The following GRIA1 variants were observed in gnomAD, a reference collection of about 807,000 sequenced individuals.
The protein encoded by GRIA1 is glutamate receptor 1.
GRIA1 carries 31 observed loss-of-function variants against 99.2 expected under a neutral mutation model. The ratio of observed to expected loss-of-function variants is 0.31; its 90% CI spans 0.23 to 0.42. GRIA1 has a LOEUF of 0.42. GRIA1 is among the 10% of genes least tolerant of loss of function. The pLI is 1.00. For synonymous variants in GRIA1, 438 were observed against 432.4 expected (o/e 1.01, Z -0.16); for missense variants, 782 against 1,157.5 (o/e 0.68, Z 4.71).
At chr5:153,794,514 C>A in intron 13 of GRIA1, 107 bp from the exon 14 acceptor site, 1 of 767,944 alleles carries the variant, frequency 1.3e-6, no homozygotes, top group Non-Finnish European at 2.3e-6. Flanking sequence ...CAAAGGGCAA[C>A]CTGGCAGGCT....
intron 2 of GRIA1, among the ~76,000 whole-genome samples, chr5:153,510,072 A>G (rs183819213): frequency 1.3e-5 from 2 of 152,270 alleles, no homozygotes; most frequent in Admixed American, 1.3e-4. Context: ...TCCTTTTACC[A>G]TCTGCCAAGA....
rs1554116390 is a variant in GRIA1, at chr5:153,705,693, T to TTTTTTTC, written c.1453-4_1453-3insTTTTTTC. On this transcript the variant is annotated splice_polypyrimidine_tract_variant and splice_region_variant and intron_variant, in intron 10 of 15. Transcript: ENST00000285900. The stretch of plus-strand genomic sequence containing the variant: ...TTTTTTTTTTTTTTTTTTTTTTTTT[T>TTTTTTTC]CAGAGAGCAGATGTGGCTGTGGCTC... 4.5e-6 allele frequency: 5 copies of TTTTTTTC among 1,101,386 alleles called. 1 individual carries two copies. The Admixed American group carries it at 1.1e-4, about 24-fold the overall frequency. The allele number at this position is 1,101,386 out of a possible 1,614,324, so 68.2% of individuals were successfully genotyped here. A position where few individuals can be genotyped will look rare whatever the true frequency, so the allele number is the denominator to read the frequency against.
intron 11 of GRIA1, among the ~76,000 whole-genome samples, chr5:153,724,111 C>G (rs149680742): frequency 0.07 from 10,622 of 152,254 alleles, 416 homozygotes; most frequent in African/African-American, 0.081. Context: ...TCTGCAGCCA[C>G]CGCTGCTGTT....
chr5:153,690,199 T>C (rs771339567), intron 8 of GRIA1, among the ~76,000 whole-genome samples: 1 of 151,758 alleles, frequency 6.6e-6, no homozygotes, highest in Non-Finnish European at 1.5e-5. Flanking sequence ...GCGTAAAGAG[T>C]TTGATAAGAA....
At chr5:153,662,794 A>G (rs939759125) in intron 5 of GRIA1, among the ~76,000 whole-genome samples, 4 of 152,140 alleles carry the variant, frequency 2.6e-5, no homozygotes, top group African/African-American at 7.2e-5. Context: ...ATGTGCCCAT[A>G]TGCCTCTGTG....
intron 2 of GRIA1, among the ~76,000 whole-genome samples, chr5:153,631,918 C>T (rs761361905): frequency 6.6e-6 from 1 of 151,974 alleles, no homozygotes; most frequent in Non-Finnish European, 1.5e-5. Context: ...GTGAGAACCG[C>T]ATCGGGGGAG....
intron 2 of GRIA1, among the ~76,000 whole-genome samples, chr5:153,566,951 G>A (rs549671231): frequency 1.9e-3 from 281 of 150,954 alleles, no homozygotes; most frequent in South Asian, 7.8e-3. Context: ...TCCTGACCTC[G>A]GGTGATCCAC....
chr5:153,641,812 C>T (rs1325764991), intron 2 of GRIA1, among the ~76,000 whole-genome samples: 1 of 152,174 alleles, frequency 6.6e-6, no homozygotes, highest in Non-Finnish European at 1.5e-5. Context: ...GTTAGGTGTC[C>T]CTGCCTGCTG....
At chr5:153,657,363 A>T (rs773409770) in intron 5 of GRIA1, among the ~76,000 whole-genome samples, 66 of 152,210 alleles carry the variant, frequency 4.3e-4, no homozygotes, top group Non-Finnish European at 8.1e-4. Context: ...AATGATAACT[A>T]TTTCTACAGT....
chr5:153,674,856 G>A (rs570675075), intron 6 of GRIA1, among the ~76,000 whole-genome samples, 195 bp downstream of exon 6: 2 of 152,282 alleles, frequency 1.3e-5, no homozygotes, highest in Admixed American at 1.3e-4. Context: ...TAAGGAGGGA[G>A]ACATTTTATT....
At chr5:153,676,346 T>C (rs147914242) in intron 6 of GRIA1, among the ~76,000 whole-genome samples, 1 of 152,314 alleles carries the variant, frequency 6.6e-6, no homozygotes, top group Non-Finnish European at 1.5e-5. Flanking sequence ...CCTGGACTGC[T>C]CTCCTGATTT....
chr5:153,490,766 G>GCAAA lies in GRIA1; in HGVS notation c.-120_-119insACAA. 1 of 785,794 alleles carries GCAAA rather than the reference G, an allele frequency of 1.3e-6. No homozygotes were observed. The highest frequency in any genetic ancestry group is 2.3e-6 in the Non-Finnish European group (1 of 438,278). The allele number at this position is 785,794 out of a possible 1,614,324, so 48.7% of individuals were successfully genotyped here. A position where few individuals can be genotyped will look rare whatever the true frequency, so the allele number is the denominator to read the frequency against. On this transcript the variant is annotated 5_prime_UTR_variant, in exon 1 of 16. Coordinates refer to ENST00000285900, the MANE Select transcript of GRIA1 (RefSeq NM_000827.4). ...CTCACGAAAGGAAGGAAGCAAGCAA[G>GCAAA]CAAGGAAGGAACTGCAGGAGGAAAA...
intron 6 of GRIA1, among the ~76,000 whole-genome samples, 156 bp from the exon 7 acceptor site, chr5:153,676,838 A>T (rs1362485686): frequency 6.6e-6 from 1 of 152,128 alleles, no homozygotes; most frequent in African/African-American, 2.4e-5. Context: ...CAGGGACACC[A>T]TCCCTGATTC....
intron 11 of GRIA1, among the ~76,000 whole-genome samples, chr5:153,761,229 G>A (rs2149603772): frequency 6.6e-6 from 1 of 152,254 alleles, no homozygotes; most frequent in East Asian, 1.9e-4. Context: ...TCAACAGGGT[G>A]AAGAAACAAG....
upstream of GRIA1, chr5:153,489,983 A>T (rs1753766236): frequency 2.7e-6 from 1 of 372,436 alleles, no homozygotes; most frequent in Non-Finnish European, 5.3e-6. Flanking sequence ...GTAGACAGGG[A>T]CTGTCAAATA....
chr5:153,664,283 C>T lies in GRIA1; in HGVS notation c.699+8411C>T, dbSNP rs183010625. ...TCCTCACAACAGCTATGAGAAATAC[C>T]ATAATAATCCTTATGTTGCAGCAAA... On this transcript the variant is annotated intron_variant, in intron 5 of 15. Transcript: ENST00000285900. Among the ~76,000 whole-genome samples, 470 of 152,216 alleles carry T rather than the reference C, an allele frequency of 3.1e-3. 6 individuals are homozygous for T. Among genetic ancestry groups the T allele is most frequent in the African/African-American group, 0.011 (459 of 41,528 alleles).
chr5:153,576,985 G>GAT lies in GRIA1; in HGVS notation c.221-69943_221-69942insAT, dbSNP rs1762596791. Among the ~76,000 whole-genome samples, 4 of 126,152 alleles carry GAT rather than the reference G, an allele frequency of 3.2e-5. 1 individual carries two copies. The Admixed American group carries it at 3.6e-4, about 11-fold the overall frequency. The allele number at this position is 126,152 out of a possible 152,430, so 82.8% of individuals were successfully genotyped here. A position where few individuals can be genotyped will look rare whatever the true frequency, so the allele number is the denominator to read the frequency against. On this transcript the variant is annotated intron_variant, in intron 2 of 15. Transcript: ENST00000285900. ...GGATGGATGGATGGATGGATGGATG[G>GAT]GTGAGTGGATGAATGGATGGATGGA...
At chr5:153,676,917 A>T in intron 6 of GRIA1, 77 bp from the exon 7 acceptor site, 1 of 1,216,398 alleles carries the variant, frequency 8.2e-7, no homozygotes, top group Non-Finnish European at 1.1e-6. Context: ...CAGAAAACAC[A>T]TTCCCAAATA....
intron 2 of GRIA1, among the ~76,000 whole-genome samples, chr5:153,644,827 G>T (rs932846723): frequency 1.6e-4 from 25 of 151,842 alleles, no homozygotes; most frequent in African/African-American, 5.6e-4. Flanking sequence ...GGAACAGCTG[G>T]TGCAGAGTCT....
Sources: gnomAD v4.1 joint callset for allele counts (sites outside exome capture counted in the v4.1 genomes callset) on GRCh38, gnomAD v4.1.1 for gene constraint, MANE v1.5 for transcripts, NCBI Gene and HGNC (gene_info 2026-07-23, HGNC 2026-07-21) for gene names.